Variants in PRKCQ observed in about 807,000 individuals in gnomAD.
PRKCQ encodes protein kinase C theta type.
Under a neutral mutation model 91.2 loss-of-function variants are expected in PRKCQ, and 41 were observed. That is an observed-to-expected ratio of 0.45 (90% CI 0.35 to 0.58). The LOEUF (loss-of-function observed/expected upper bound fraction) is 0.58, where lower values mean the gene tolerates loss of function less well. Among genes scored for constraint, PRKCQ ranks in the 20% least tolerant of loss-of-function variants. The probability of loss-of-function intolerance (pLI) is 0.00; values close to 1 mark genes in which losing one functional copy is unlikely to be tolerated. For missense variants in PRKCQ, 673 were observed against 896.5 expected, an observed-to-expected ratio of 0.75 and a Z score of 3.18; for synonymous variants, 307 against 316.9, an observed-to-expected ratio of 0.97 and a Z score of 0.33.
chr10:6,550,751 T>A (rs1180699380), intron 1 of PRKCQ, among the ~76,000 whole-genome samples: 1 of 152,208 alleles, frequency 6.6e-6, no homozygotes, highest in African/African-American at 2.4e-5. Context: ...AATTGCTGGA[T>A]CATGCAGTCA....
chr10:6,398,937 T>C, the PRKCQ span, among the ~76,000 whole-genome samples: 2 of 152,090 alleles, frequency 1.3e-5, no homozygotes, highest in African/African-American at 4.8e-5. Flanking sequence ...AAAAATTTTA[T>C]AGAGTTTTCT....
intron 1 of PRKCQ, among the ~76,000 whole-genome samples, chr10:6,567,803 T>C (rs972764488): frequency 1.3e-5 from 2 of 152,258 alleles, no homozygotes; most frequent in Non-Finnish European, 2.9e-5. Context: ...AATAGTTTAC[T>C]ACTCTTTCCT....
chr10:6,436,403 T>G (rs560349165), intron 16 of PRKCQ, among the ~76,000 whole-genome samples: 1 of 152,334 alleles, frequency 6.6e-6, no homozygotes, highest in African/African-American at 2.4e-5. Context: ...CCATCCCACG[T>G]AATGATAGCA....
intron 12 of PRKCQ, among the ~76,000 whole-genome samples, chr10:6,471,209 G>A (rs1445818157): frequency 6.6e-6 from 1 of 151,382 alleles, no homozygotes; most frequent in Non-Finnish European, 1.5e-5. Context: ...ACGGGCAAAT[G>A]AAACAAAAGA....
chr10:6,426,856 C>A (rs914961838), downstream of PRKCQ, among the ~76,000 whole-genome samples: 1 of 152,224 alleles, frequency 6.6e-6, no homozygotes, highest in African/African-American at 2.4e-5. Context: ...CTGCCTCAGC[C>A]TCCCAGGTAG....
At chr10:6,503,987 A>T (rs530942652) in intron 4 of PRKCQ, among the ~76,000 whole-genome samples, 1 of 152,326 alleles carries the variant, frequency 6.6e-6, no homozygotes, top group South Asian at 2.1e-4. Flanking sequence ...TACATTGCCC[A>T]GGCTGGTCTC....
intron 15 of PRKCQ, among the ~76,000 whole-genome samples, chr10:6,454,017 G>C (rs1013703874): frequency 6.6e-6 from 1 of 151,940 alleles, no homozygotes; most frequent in African/African-American, 2.4e-5. Context: ...CACATGTATA[G>C]ATATGTAACT....
At position 6,564,157 on chromosome 10, in the gene PRKCQ, T is replaced by C. The variant is rs1840743788; in HGVS notation, c.-10+16054A>G. Among the ~76,000 whole-genome samples, 2 of 152,036 alleles carry C rather than the reference T, an allele frequency of 1.3e-5. 1 individual carries two copies. The highest frequency in any genetic ancestry group is 1.3e-4 in the Admixed American group (2 of 15,254). ...CACGGGCCCCGCAAAGATTCGGGAT[T>C]CTATTTTGCAGGTGATATGGAGTAA... On this transcript the variant is annotated intron_variant, in intron 1 of 17. Transcript: ENST00000263125.
At chr10:6,498,604 G>A (rs750855601) in intron 4 of PRKCQ, 46 bp from the exon 5 acceptor site, 23 of 1,588,648 alleles carry the variant, frequency 1.4e-5, no homozygotes, top group Middle Eastern at 3.3e-4. Context: ...GCAAAAGGAC[G>A]ACTCCTATTC....
chr10:6,427,673 C>T lies in PRKCQ; in HGVS notation c.*534G>A, dbSNP rs1833182361. ...AGCTATGTTTATTGTAAAGAATTCC[C>T]ATAAAAACCTATCCAGGGCTGGCCC... On this transcript the variant is annotated 3_prime_UTR_variant, in exon 18 of 18. Transcript: ENST00000263125. 6.5e-6 allele frequency: 1 copy of T among 153,270 alleles called. No homozygotes were observed. Among genetic ancestry groups the T allele is most frequent in the South Asian group, 2.0e-4 (1 of 4,916 alleles). The allele number at this position is 153,270 out of a possible 1,614,324, so 9.5% of individuals were successfully genotyped here.
chr10:6,439,905 T>A (rs372597599), intron 16 of PRKCQ, among the ~76,000 whole-genome samples: 44 of 152,298 alleles, frequency 2.9e-4, no homozygotes, highest in African/African-American at 1.0e-3. Context: ...TCAACTGTAC[T>A]GGCTGATATG....
chr10:6,454,189 T>G (rs1834882346), intron 15 of PRKCQ, among the ~76,000 whole-genome samples: 1 of 152,176 alleles, frequency 6.6e-6, no homozygotes, highest in Non-Finnish European at 1.5e-5. Context: ...CTGGTGACAA[T>G]GTATATGATT....
intron 1 of PRKCQ, among the ~76,000 whole-genome samples, chr10:6,537,520 A>G (rs1408612766): frequency 6.6e-6 from 1 of 152,166 alleles, no homozygotes; most frequent in Non-Finnish European, 1.5e-5. Flanking sequence ...ACCTGAGGAC[A>G]TTGCACTGCC....
intron 1 of PRKCQ, among the ~76,000 whole-genome samples, chr10:6,526,962 T>G (rs538269471): frequency 6.6e-6 from 1 of 152,122 alleles, no homozygotes; most frequent in Non-Finnish European, 1.5e-5. Context: ...CGTGCAGGGA[T>G]TCCGATATCT....
chr10:6,580,123 C>T (rs1170690994), intron 1 of PRKCQ, 88 bp downstream of exon 1: 1 of 152,310 alleles, frequency 6.6e-6, no homozygotes, highest in African/African-American at 2.4e-5. Context: ...GGAGGCTCTC[C>T]GAGGGGCCCG....
At chr10:6,573,877 G>C (rs1415663198) in intron 1 of PRKCQ, among the ~76,000 whole-genome samples, 1 of 152,214 alleles carries the variant, frequency 6.6e-6, no homozygotes, top group Non-Finnish European at 1.5e-5. Context: ...AGCACTCTGG[G>C]AGGCCAAGGC....
the PRKCQ span, among the ~76,000 whole-genome samples, chr10:6,395,102 T>A: frequency 5.5e-4 from 79 of 144,202 alleles, no homozygotes; most frequent in Non-Finnish European, 8.4e-4. Context: ...TCGCTCTGTC[T>A]CCCAGGCTGG....
At chr10:6,529,745 A>G (rs1000722360) in intron 1 of PRKCQ, among the ~76,000 whole-genome samples, 3 of 152,214 alleles carry the variant, frequency 2.0e-5, no homozygotes, top group Admixed American at 6.5e-5. Flanking sequence ...TGACTACATT[A>G]TCATATCTGC....
intron 15 of PRKCQ, among the ~76,000 whole-genome samples, chr10:6,447,743 AT>A (rs1834399488): frequency 6.6e-6 from 1 of 152,084 alleles, no homozygotes; most frequent in Non-Finnish European, 1.5e-5. Context: ...CTGTGTTTTA[AT>A]TCTCTGCCTC....
Sources: gnomAD v4.1 joint callset for allele counts (sites outside exome capture counted in the v4.1 genomes callset) on GRCh38, gnomAD v4.1.1 for gene constraint, MANE v1.5 for transcripts, NCBI Gene and HGNC (gene_info 2026-07-23, HGNC 2026-07-21) for gene names.